DPP6: variants seen among roughly 807,000 people sequenced by gnomAD.
The protein encoded by DPP6 is A-type potassium channel modulatory protein DPP6.
A neutral mutation model predicts 122.6 loss-of-function variants in DPP6; 69 were observed. The ratio of observed to expected loss-of-function variants is 0.56; its 90% CI spans 0.46 to 0.69. DPP6 has a LOEUF of 0.69. Among genes scored for constraint, DPP6 ranks in the 30% least tolerant of loss-of-function variants. DPP6 has a pLI of 0.00. For missense variants in DPP6, 928 were observed against 1,116.9 expected, an observed-to-expected ratio of 0.83 and a Z score of 2.41; for synonymous variants, 418 against 433.1, an observed-to-expected ratio of 0.97 and a Z score of 0.43.
chr7:154,873,236 G>A (rs1804540550), intron 19 of DPP6, among the ~76,000 whole-genome samples: 2 of 152,200 alleles, frequency 1.3e-5, no homozygotes, highest in African/African-American at 4.8e-5. Context: ...GTCTGATTAG[G>A]GAACTCAGTG....
At chr7:154,299,809 G>A (rs1805785913) in intron 1 of DPP6, among the ~76,000 whole-genome samples, 1 of 152,154 alleles carries the variant, frequency 6.6e-6, no homozygotes, top group Non-Finnish European at 1.5e-5. Context: ...AATGATATTC[G>A]AAGCAAAGCG....
At chr7:154,571,801 A>C (rs1831125696) in intron 5 of DPP6, among the ~76,000 whole-genome samples, 2 of 152,316 alleles carry the variant, frequency 1.3e-5, no homozygotes, top group East Asian at 1.9e-4. Flanking sequence ...AAACACATAA[A>C]CCAATCCGTT....
chr7:154,859,644 A>C (rs1479984268), intron 17 of DPP6, among the ~76,000 whole-genome samples: 1 of 152,210 alleles, frequency 6.6e-6, no homozygotes, highest in Non-Finnish European at 1.5e-5. Context: ...GTGTTCACAG[A>C]TGTGACTCTG....
intron 1 of DPP6, among the ~76,000 whole-genome samples, chr7:154,308,839 G>A (rs747380733): frequency 9.2e-5 from 14 of 152,270 alleles, no homozygotes; most frequent in Admixed American, 4.6e-4. Flanking sequence ...AAGAGAAGAC[G>A]AAAAATTAAT....
At chr7:153,776,348 T>C in the DPP6 span, among the ~76,000 whole-genome samples, 1 of 152,104 alleles carries the variant, frequency 6.6e-6, no homozygotes, top group East Asian at 1.9e-4. Context: ...GTTCCCGTGA[T>C]AGTGAATGAG....
At chr7:154,578,612 A>C (rs1297718116) in intron 5 of DPP6, among the ~76,000 whole-genome samples, 3 of 152,072 alleles carry the variant, frequency 2.0e-5, no homozygotes, top group Non-Finnish European at 4.4e-5. Context: ...GAAATTAATG[A>C]GNNCAAGTGG....
At chr7:154,085,429 C>T (rs556674343) in intron 1 of DPP6, among the ~76,000 whole-genome samples, 1 of 152,168 alleles carries the variant, frequency 6.6e-6, no homozygotes, top group Admixed American at 6.5e-5. Flanking sequence ...TAATGCATCT[C>T]GCCAACTAGA....
chr7:154,395,769 T>C (rs1248682443), intron 1 of DPP6, among the ~76,000 whole-genome samples: 5 of 152,172 alleles, frequency 3.3e-5, no homozygotes, highest in Admixed American at 3.3e-4. Flanking sequence ...TTGTTCTGGC[T>C]AGAACTTCTA....
At chr7:154,509,747 A>G (rs1563780778) in intron 3 of DPP6, among the ~76,000 whole-genome samples, 1 of 152,212 alleles carries the variant, frequency 6.6e-6, no homozygotes, top group Non-Finnish European at 1.5e-5. Context: ...GTAATGGAAC[A>G]TTATTTGGCC....
chr7:154,684,139 G>A (rs1375458026), intron 7 of DPP6, among the ~76,000 whole-genome samples: 3 of 152,108 alleles, frequency 2.0e-5, no homozygotes, highest in Non-Finnish European at 4.4e-5. Flanking sequence ...AAAGTGCTGG[G>A]ATTACAGGCA....
rs1321014301 is a variant in DPP6, at chr7:154,608,071, C to T, written c.628-29750C>T. On this transcript the variant is annotated intron_variant, in intron 5 of 25. Transcript: ENST00000377770. ...CTCAGCTCACTGCAAGCTCCGCCTC[C>T]CAGGTTCAAGCAATTCTCCTGCCTC... 5.8e-5 allele frequency among the ~76,000 whole-genome samples: 8 copies of T among 138,446 alleles called. 3 individuals are homozygous for T. Among genetic ancestry groups the T allele is most frequent in the Admixed American group, 3.1e-4 (4 of 12,986 alleles). The allele number at this position is 138,446 out of a possible 152,430, so 90.8% of individuals were successfully genotyped here. A position where few individuals can be genotyped will look rare whatever the true frequency, so the allele number is the denominator to read the frequency against.
At chr7:154,341,366 G>A (rs1029446894) in intron 1 of DPP6, among the ~76,000 whole-genome samples, 4 of 152,032 alleles carry the variant, frequency 2.6e-5, no homozygotes, top group African/African-American at 9.7e-5. Flanking sequence ...GTAGGACTCA[G>A]GGAAATACAT....
the DPP6 span, among the ~76,000 whole-genome samples, chr7:153,773,330 A>ATAT: frequency 1.8e-3 from 251 of 139,944 alleles, 3 homozygotes; most frequent in Middle Eastern, 0.041. Flanking sequence ...ATATATATAT[A>ATAT]TTTTTTTTTA....
chr7:154,012,191 G>T (rs986439683), intron 1 of DPP6, among the ~76,000 whole-genome samples: 2 of 152,068 alleles, frequency 1.3e-5, no homozygotes, highest in Admixed American at 6.5e-5. Flanking sequence ...CCTTCACTTT[G>T]CATGAGAATT....
At chr7:154,666,194 T>TAC (rs55773435) in intron 6 of DPP6, among the ~76,000 whole-genome samples, 22 of 119,040 alleles carry the variant, frequency 1.8e-4, no homozygotes, top group Middle Eastern at 4.2e-3. Flanking sequence ...TATATATATA[T>TAC]ATATATACAC....
chr7:153,877,250 A>C, the DPP6 span, among the ~76,000 whole-genome samples: 2 of 152,252 alleles, frequency 1.3e-5, no homozygotes, highest in East Asian at 1.9e-4. Context: ...ACTTACCTTA[A>C]GACACAAATA....
chr7:154,133,973 A>AT (rs1795418808), intron 1 of DPP6, among the ~76,000 whole-genome samples: 2 of 151,614 alleles, frequency 1.3e-5, no homozygotes, highest in South Asian at 4.2e-4. Context: ...GACACACCCC[A>AT]TGCTGGAAGA....
rs115635686 is a variant in DPP6, at chr7:154,632,629, T to C, written c.628-5192T>C. Among the ~76,000 whole-genome samples, 904 of 152,294 alleles carry C rather than the reference T, an allele frequency of 5.9e-3. 8 individuals carry two copies. The highest frequency in any genetic ancestry group is 0.021 in the African/African-American group (856 of 41,564). ...ACATAGGATGCAGTCATCTGATATA[T>C]TGGTCTGTAGCTGGACCTGTGGGAG... On this transcript the variant is annotated intron_variant, in intron 5 of 25. Coordinates refer to ENST00000377770, the MANE Select transcript of DPP6 (RefSeq NM_130797.4).
At chr7:154,776,915 T>G (rs975830970) in intron 10 of DPP6, among the ~76,000 whole-genome samples, 2 of 152,194 alleles carry the variant, frequency 1.3e-5, no homozygotes, top group Admixed American at 1.3e-4. Flanking sequence ...AAGCCTGCAG[T>G]TTATTTCAGC....
Sources: allele counts gnomAD v4.1 joint callset (sites outside exome capture counted in the v4.1 genomes callset), GRCh38; gene constraint gnomAD v4.1.1; transcripts MANE v1.5; gene names NCBI Gene and HGNC (gene_info 2026-07-23, HGNC 2026-07-21).